Variants in EDIL3 observed in about 807,000 individuals in gnomAD.
The protein encoded by EDIL3 is EGF like and discoidin domains 3, also known as EGF-like repeat and discoidin I-like domain-containing protein 3.
EDIL3 carries 37 observed loss-of-function variants against 67.4 expected under a neutral mutation model. That is an observed-to-expected ratio of 0.55 (90% CI 0.42 to 0.72). The LOEUF is 0.72. Among genes scored for constraint, EDIL3 ranks in the 30% least tolerant of loss-of-function variants. The pLI is 0.00. For synonymous variants in EDIL3, 195 were observed against 196.3 expected (o/e 0.99, Z 0.05); for missense variants, 527 against 586.3 (o/e 0.90, Z 1.04).
Position 83,942,514 on chromosome 5 carries a change from C to T in EDIL3, c.*905G>A, listed in dbSNP as rs1413833850. ...AAGTAAATATAAGGATATGTAATTA[C>T]CATCTAAATGAAGATTTAAATTTAA... On this transcript the variant is annotated 3_prime_UTR_variant, in exon 11 of 11. Transcript: ENST00000296591. 1.3e-5 allele frequency: 2 copies of T among 151,846 alleles called. No homozygotes were observed. Among genetic ancestry groups the T allele is most frequent in the Non-Finnish European group, 1.5e-5 (1 of 67,918 alleles). 9.4% of individuals were successfully genotyped at this position (151,846 alleles called of 1,614,324 possible). A position where few individuals can be genotyped will look rare whatever the true frequency, so the allele number is the denominator to read the frequency against.
chr5:84,046,482 C>A (rs4637527), intron 9 of EDIL3, among the ~76,000 whole-genome samples: 2,547 of 152,256 alleles, frequency 0.017, 71 homozygotes, highest in East Asian at 0.095. Context: ...CTTTAGACCA[C>A]TGACTGGCTC....
intron 3 of EDIL3, among the ~76,000 whole-genome samples, chr5:84,182,724 C>T (rs1749036108): frequency 6.6e-6 from 1 of 151,892 alleles, no homozygotes; most frequent in African/African-American, 2.4e-5. Context: ...GAACAGGAAA[C>T]AATGTGGCAA....
intron 6 of EDIL3, among the ~76,000 whole-genome samples, chr5:84,105,891 C>T (rs2112282576): frequency 6.6e-6 from 1 of 152,144 alleles, no homozygotes; most frequent in African/African-American, 2.4e-5. Context: ...ATGAATTCTT[C>T]CTCTGACCAC....
intron 1 of EDIL3, among the ~76,000 whole-genome samples, chr5:84,273,468 A>G (rs1283688890): frequency 6.6e-6 from 1 of 152,176 alleles, no homozygotes; most frequent in Admixed American, 6.5e-5. Flanking sequence ...ACGTGTAAAA[A>G]GTGAGGATAA....
chr5:84,199,433 T>C (rs1163123873), intron 3 of EDIL3, among the ~76,000 whole-genome samples: 1 of 151,968 alleles, frequency 6.6e-6, no homozygotes, highest in Non-Finnish European at 1.5e-5. Context: ...TACTTTGTAA[T>C]GAACTTCATC....
At chr5:83,995,151 C>CACACAT (rs1433056875) in intron 9 of EDIL3, among the ~76,000 whole-genome samples, 8 of 75,778 alleles carry the variant, frequency 1.1e-4, no homozygotes, top group African/African-American at 5.1e-4. Flanking sequence ...CACACGCACA[C>CACACAT]ACACATACAC....
At chr5:84,239,700 A>C (rs572539366) in intron 2 of EDIL3, among the ~76,000 whole-genome samples, 79 of 152,368 alleles carry the variant, frequency 5.2e-4, no homozygotes, top group African/African-American at 1.7e-3. Flanking sequence ...TATAACTGGC[A>C]TGCAAACAAT....
chr5:84,164,185 C>T (rs919310379), intron 4 of EDIL3, among the ~76,000 whole-genome samples: 1 of 151,322 alleles, frequency 6.6e-6, no homozygotes, highest in Non-Finnish European at 1.5e-5. Context: ...TATGAAGAGA[C>T]GTAGATATAA....
chr5:84,015,077 G>C (rs2112184739), intron 9 of EDIL3, among the ~76,000 whole-genome samples: 1 of 152,232 alleles, frequency 6.6e-6, no homozygotes, highest in Admixed American at 6.5e-5. Flanking sequence ...AAATACTCCA[G>C]GACACTTAGA....
At chr5:84,245,074 T>C (rs1415216789) in intron 2 of EDIL3, among the ~76,000 whole-genome samples, 2 of 152,206 alleles carry the variant, frequency 1.3e-5, no homozygotes, top group Non-Finnish European at 2.9e-5. Flanking sequence ...TTTGATTAAA[T>C]GCTTATTCCT....
chr5:83,971,534 T>G (rs575302473), intron 9 of EDIL3, among the ~76,000 whole-genome samples: 1 of 152,052 alleles, frequency 6.6e-6, no homozygotes, highest in Non-Finnish European at 1.5e-5. Flanking sequence ...TCCAAAAATA[T>G]TTTTATATAT....
At chr5:84,159,653 T>C (rs375843776) in intron 4 of EDIL3, among the ~76,000 whole-genome samples, 1 of 151,964 alleles carries the variant, frequency 6.6e-6, no homozygotes, top group African/African-American at 2.4e-5. Flanking sequence ...AAATGAATAA[T>C]TATGTTCATA....
At chr5:84,177,456 C>T (rs1191528832) in intron 4 of EDIL3, among the ~76,000 whole-genome samples, 2 of 152,122 alleles carry the variant, frequency 1.3e-5, no homozygotes, top group Non-Finnish European at 2.9e-5. Flanking sequence ...AATAGGTGTA[C>T]AGGGGATTTT....
Position 84,308,637 on chromosome 5 carries a change from A to G in EDIL3, c.68-54425T>C, listed in dbSNP as rs529769778. The stretch of plus-strand genomic sequence containing the variant: ...CTCTTTCTCAGGAAGTAATTTTTAG[A>G]AATATTAAAATAAAACAGACAGTAA... On this transcript the variant is annotated intron_variant, in intron 1 of 10. Coordinates refer to ENST00000296591, the MANE Select transcript of EDIL3 (RefSeq NM_005711.5). Among the ~76,000 whole-genome samples the G allele has an allele frequency of 2.6e-5, 4 of 152,308 alleles. No individual in the cohort carries two copies. In the South Asian group the frequency reaches 8.3e-4, roughly 32 times the overall value.
chr5:84,106,586 A>G, intron 6 of EDIL3, 63 bp downstream of exon 6: 3 of 1,476,708 alleles, frequency 2.0e-6, no homozygotes, highest in South Asian at 3.0e-5. Flanking sequence ...TCTGCTTTTT[A>G]AAATGACCAG....
At position 84,083,470 on chromosome 5, in the gene EDIL3, T is replaced by C. The variant is rs545586594; in HGVS notation, c.652-16864A>G. Among the ~76,000 whole-genome samples the C allele has an allele frequency of 3.3e-5, 5 of 152,320 alleles. No individual in the cohort carries two copies. In the South Asian group the frequency reaches 1.0e-3, roughly 32 times the overall value. ...GTTAAAAGAAAGAACAATAAAAGTT[T>C]TGTTTCTTCTAAGCAAAGTTTTGTG... On this transcript the variant is annotated intron_variant, in intron 6 of 10. Coordinates refer to ENST00000296591, the MANE Select transcript of EDIL3 (RefSeq NM_005711.5).
rs1020778543 is a variant in EDIL3, at chr5:83,963,115, G to T, written c.1293+90C>A. ...TCAGTATATATGGATACTATTTTCA[G>T]TACAGATGTATAAGCAGTTAATTCA... On this transcript the variant is annotated intron_variant, in intron 10 of 10. Coordinates refer to ENST00000296591, the MANE Select transcript of EDIL3 (RefSeq NM_005711.5). 39 of 1,413,694 alleles carry T rather than the reference G, an allele frequency of 2.8e-5. No homozygotes were observed. The Admixed American group carries it at 9.3e-4, about 34-fold the overall frequency. 87.6% of individuals were successfully genotyped at this position (1,413,694 alleles called of 1,614,324 possible).
chr5:84,164,066 C>T (rs988057345), intron 4 of EDIL3, among the ~76,000 whole-genome samples: 1 of 152,052 alleles, frequency 6.6e-6, no homozygotes, highest in African/African-American at 2.4e-5. Context: ...ATGATTTTCT[C>T]ATCATATATG....
At chr5:84,379,527 A>G (rs1190847486) in intron 1 of EDIL3, among the ~76,000 whole-genome samples, 1 of 152,176 alleles carries the variant, frequency 6.6e-6, no homozygotes, top group Non-Finnish European at 1.5e-5. Context: ...GTAAATCAAT[A>G]TAACAGAACT....
Sources: allele counts gnomAD v4.1 joint callset (sites outside exome capture counted in the v4.1 genomes callset), GRCh38; gene constraint gnomAD v4.1.1; transcripts MANE v1.5; gene names NCBI Gene and HGNC (gene_info 2026-07-23, HGNC 2026-07-21).